TENM2: variants seen among roughly 807,000 people sequenced by gnomAD.
TENM2 encodes teneurin transmembrane protein 2.
In TENM2, 52 loss-of-function variants were observed where a neutral mutation model predicts 245.2. That is an observed-to-expected ratio of 0.21 (90% CI 0.17 to 0.27). TENM2 has a LOEUF of 0.27. Among genes scored for constraint, TENM2 ranks in the 10% least tolerant of loss-of-function variants. TENM2 has a pLI of 1.00. For missense variants in TENM2, 3,046 were observed against 3,666.8 expected (o/e 0.83, Z 4.37); for synonymous variants, 1,363 against 1,438.9 (o/e 0.95, Z 1.19).
chr5:168,214,245 T>C, intron 20 of TENM2, among the ~76,000 whole-genome samples: 1 of 152,196 alleles, frequency 6.6e-6, no homozygotes, highest in East Asian at 1.9e-4. Context: ...GCCAGACACA[T>C]GGCAGGGGAA....
At chr5:167,259,827 G>C in the TENM2 span, among the ~76,000 whole-genome samples, 1 of 152,028 alleles carries the variant, frequency 6.6e-6, no homozygotes, top group Non-Finnish European at 1.5e-5. Flanking sequence ...GTTAAAAATG[G>C]CTAAAGATAG....
the TENM2 span, among the ~76,000 whole-genome samples, chr5:167,155,866 A>G: frequency 2.3e-3 from 345 of 152,348 alleles, no homozygotes; most frequent in African/African-American, 8.1e-3. Flanking sequence ...AAATGGCAAT[A>G]GGTTTGAGCA....
intron 2 of TENM2, among the ~76,000 whole-genome samples, chr5:167,452,800 A>T (rs1236697648): frequency 6.6e-6 from 1 of 151,062 alleles, no homozygotes; most frequent in African/African-American, 2.4e-5. Flanking sequence ...GGGAGCGGGG[A>T]GGGATAGCAT....
chr5:167,563,574 G>A (rs949687205), intron 2 of TENM2, among the ~76,000 whole-genome samples: 1 of 152,116 alleles, frequency 6.6e-6, no homozygotes, highest in Non-Finnish European at 1.5e-5. Flanking sequence ...GTAGCCCTGG[G>A]CACCCTAACC....
intron 2 of TENM2, among the ~76,000 whole-genome samples, chr5:167,398,787 G>C (rs985388227): frequency 6.6e-6 from 1 of 152,124 alleles, no homozygotes; most frequent in African/African-American, 2.4e-5. Context: ...TATTAAATGA[G>C]ATGGGCTAGT....
intron 13 of TENM2, among the ~76,000 whole-genome samples, chr5:168,181,797 C>T (rs558348956): frequency 6.6e-6 from 1 of 151,530 alleles, no homozygotes; most frequent in South Asian, 2.1e-4. Flanking sequence ...CTGCCTCAGC[C>T]TCCCAAATAG....
At chr5:167,560,292 T>C (rs553556688) in intron 2 of TENM2, among the ~76,000 whole-genome samples, 1 of 152,316 alleles carries the variant, frequency 6.6e-6, no homozygotes, top group East Asian at 1.9e-4. Context: ...TCTTACTGCA[T>C]TTTACCTTTT....
At chr5:167,303,593 C>G (rs1755489784) in intron 1 of TENM2, among the ~76,000 whole-genome samples, 1 of 152,106 alleles carries the variant, frequency 6.6e-6, no homozygotes, top group Non-Finnish European at 1.5e-5. Flanking sequence ...GGAATGTCAT[C>G]ATTTAAGGCA....
intron 3 of TENM2, among the ~76,000 whole-genome samples, chr5:167,897,890 GTTTT>G (rs35680049): frequency 5.6e-5 from 5 of 89,284 alleles, no homozygotes; most frequent in Non-Finnish European, 4.8e-5. Context: ...GTAGTAAATT[GTTTT>G]TTTTTTTTTT....
the TENM2 span, among the ~76,000 whole-genome samples, chr5:167,078,295 C>T: frequency 2.6e-5 from 4 of 152,012 alleles, no homozygotes; most frequent in Non-Finnish European, 5.9e-5. Flanking sequence ...ACCAGCCTGA[C>T]CAACATGGAG....
chr5:167,151,134 T>C, the TENM2 span, among the ~76,000 whole-genome samples: 8 of 152,326 alleles, frequency 5.3e-5, no homozygotes, highest in African/African-American at 1.9e-4. Flanking sequence ...CCAAATCTTT[T>C]ATTCTTAGAA....
At chr5:168,179,799 A>T (rs1759696417) in intron 13 of TENM2, among the ~76,000 whole-genome samples, 1 of 152,178 alleles carries the variant, frequency 6.6e-6, no homozygotes, top group Admixed American at 6.5e-5. Context: ...TGTTAATAGC[A>T]CCCAGGATTC....
At chr5:167,993,254 T>C in intron 5 of TENM2, 72 bp downstream of exon 7, 2 of 1,227,602 alleles carry the variant, frequency 1.6e-6, no homozygotes, top group South Asian at 2.6e-5. Flanking sequence ...GACTTGTGAA[T>C]CTAGAGGCCC....
At chr5:168,125,178 G>T in intron 11 of TENM2, 128 bp downstream of exon 13, 2 of 786,442 alleles carry the variant, frequency 2.5e-6, no homozygotes, top group Non-Finnish European at 4.0e-6. Context: ...GAATCACATT[G>T]TGTCTTTCTC....
At chr5:167,742,607 G>A (rs1761259459) in intron 2 of TENM2, among the ~76,000 whole-genome samples, 1 of 152,030 alleles carries the variant, frequency 6.6e-6, no homozygotes, top group Non-Finnish European at 1.5e-5. Flanking sequence ...AAGGGAAGGA[G>A]GCATTGGGCT....
chr5:167,391,673 G>A (rs1761767429), intron 2 of TENM2, among the ~76,000 whole-genome samples: 2 of 147,168 alleles, frequency 1.4e-5, no homozygotes, highest in Middle Eastern at 3.6e-3. Flanking sequence ...TCTAACTTTA[G>A]CCACTGGATG....
At chr5:167,294,626 C>T (rs1284281663) in intron 1 of TENM2, among the ~76,000 whole-genome samples, 3 of 152,038 alleles carry the variant, frequency 2.0e-5, no homozygotes, top group Non-Finnish European at 4.4e-5. Flanking sequence ...CTTTATGTCC[C>T]CTAAATCAGA....
chr5:167,867,527 C>T (rs1379557737), intron 2 of TENM2, among the ~76,000 whole-genome samples: 1 of 152,146 alleles, frequency 6.6e-6, no homozygotes, highest in Non-Finnish European at 1.5e-5. Context: ...GATAGTTTTG[C>T]CAGGGCCATC....
At chr5:167,993,238 G>C in intron 5 of TENM2, 56 bp downstream of exon 7, 1 of 1,437,494 alleles carries the variant, frequency 7.0e-7, no homozygotes, top group Non-Finnish European at 9.7e-7. Flanking sequence ...GAGGGGAGAG[G>C]CCATGGACTT....
Sources: allele counts gnomAD v4.1 joint callset (sites outside exome capture counted in the v4.1 genomes callset), GRCh38; gene constraint gnomAD v4.1.1; transcripts MANE v1.5; gene names NCBI Gene and HGNC (gene_info 2026-07-23, HGNC 2026-07-21).